Variants in DPYD observed in about 807,000 individuals in gnomAD.
DPYD encodes dihydropyrimidine dehydrogenase [NADP(+)].
DPYD carries 109 observed loss-of-function variants against 116.2 expected under a neutral mutation model. The observed-to-expected ratio is 0.94, with a 90% CI of 0.80 to 1.10. The LOEUF (loss-of-function observed/expected upper bound fraction) is 1.10, where lower values mean the gene tolerates loss of function less well. DPYD is among the 50% of genes least tolerant of loss of function. The probability of loss-of-function intolerance (pLI) is 0.00; values close to 1 mark genes in which losing one functional copy is unlikely to be tolerated. For synonymous variants in DPYD, 440 were observed against 432.0 expected, an observed-to-expected ratio of 1.02 and a Z score of -0.23; for missense variants, 1,302 against 1,254.5, an observed-to-expected ratio of 1.04 and a Z score of -0.57.
At chr1:97,184,599 C>T (rs1657872734) in intron 20 of DPYD, among the ~76,000 whole-genome samples, 1 of 152,032 alleles carries the variant, frequency 6.6e-6, no homozygotes, top group African/African-American at 2.4e-5. Flanking sequence ...GCAGATACTA[C>T]ATATATTTTA....
chr1:97,478,367 A>C (rs1678105222), intron 13 of DPYD, among the ~76,000 whole-genome samples: 1 of 152,110 alleles, frequency 6.6e-6, no homozygotes. Context: ...AGCTCACTGC[A>C]ACCTCCACCT....
At chr1:97,204,812 G>T (rs1659480331) in intron 19 of DPYD, among the ~76,000 whole-genome samples, 1 of 151,892 alleles carries the variant, frequency 6.6e-6, no homozygotes, top group Non-Finnish European at 1.5e-5. Context: ...AGATACTTAT[G>T]CAGGCCTCAG....
chr1:97,097,969 C>T (rs1227271406), intron 21 of DPYD, among the ~76,000 whole-genome samples: 1 of 152,108 alleles, frequency 6.6e-6, no homozygotes, highest in Non-Finnish European at 1.5e-5. Flanking sequence ...AGAAAGGTAA[C>T]ACATACTCAT....
intron 18 of DPYD, among the ~76,000 whole-genome samples, chr1:97,244,857 T>C (rs1662606005): frequency 6.6e-6 from 1 of 152,040 alleles, no homozygotes; most frequent in African/African-American, 2.4e-5. Context: ...TATTTATCAT[T>C]TAAAATAGAC....
intron 3 of DPYD, among the ~76,000 whole-genome samples, chr1:97,801,111 G>A (rs543157169): frequency 2.6e-5 from 4 of 151,814 alleles, no homozygotes; most frequent in South Asian, 2.1e-4. Flanking sequence ...GAAGCCTTTG[G>A]TGGGTAATGA....
intron 13 of DPYD, among the ~76,000 whole-genome samples, chr1:97,510,494 T>C (rs1375004308): frequency 6.6e-6 from 1 of 151,970 alleles, no homozygotes; most frequent in African/African-American, 2.4e-5. Flanking sequence ...TTGGACTTGA[T>C]GAAGATCATA....
rs1318717082 is a variant in DPYD at position 97,855,638 on chromosome 1, G to C, written c.151-27442C>G. On this transcript the variant is annotated intron_variant, in intron 2 of 22. Coordinates refer to ENST00000370192, the MANE Select transcript of DPYD (RefSeq NM_000110.4). ...AATTTAGGTTGGTAGCTTAAAGACA[G>C]AATGTTTCAGTTTTTAGGAGATTCA... The C allele has an allele frequency of 2.0e-5, 3 of 152,178 alleles. No homozygotes were observed. The East Asian group carries it at 5.8e-4, about 29-fold the overall frequency. The allele number at this position is 152,178 out of a possible 1,614,324, so 9.4% of individuals were successfully genotyped here. A position where few individuals can be genotyped will look rare whatever the true frequency, so the allele number is the denominator to read the frequency against.
intron 16 of DPYD, among the ~76,000 whole-genome samples, chr1:97,353,627 GTTT>G (rs35564684): frequency 0.059 from 7,902 of 133,290 alleles, 298 homozygotes; most frequent in East Asian, 0.18. Context: ...ACTGCATTCT[GTTT>G]TTTTTTTTTT....
chr1:97,810,169 C>T (rs1668279460), intron 3 of DPYD, among the ~76,000 whole-genome samples: 2 of 151,404 alleles, frequency 1.3e-5, no homozygotes, highest in Admixed American at 1.3e-4. Flanking sequence ...CGCCTGTAGT[C>T]CCAGCTACTT....
chr1:97,286,790 T>G (rs1271660669), intron 18 of DPYD, among the ~76,000 whole-genome samples: 2 of 152,246 alleles, frequency 1.3e-5, no homozygotes, highest in Non-Finnish European at 2.9e-5. Context: ...TAAGCACTTC[T>G]CTGTATTGGT....
chr1:97,143,911 G>A (rs76110644), intron 20 of DPYD, among the ~76,000 whole-genome samples: 5,971 of 152,208 alleles, frequency 0.039, 147 homozygotes, highest in South Asian at 0.073. Context: ...TCATCAAGAA[G>A]AGTTGTTCAC....
intron 3 of DPYD, among the ~76,000 whole-genome samples, chr1:97,765,780 T>G (rs940275562): frequency 2.6e-5 from 4 of 152,162 alleles, no homozygotes; most frequent in Non-Finnish European, 4.4e-5. Context: ...CAATAATATG[T>G]AACACAAACC....
At chr1:97,908,049 T>C (rs1037071796) in intron 1 of DPYD, among the ~76,000 whole-genome samples, 2 of 151,994 alleles carry the variant, frequency 1.3e-5, no homozygotes, top group Non-Finnish European at 2.9e-5. Context: ...TTCATTTTTT[T>C]CCCCTTTCTT....
At chr1:97,193,303 C>A (rs927436140) in intron 19 of DPYD, 55 bp from the exon 20 acceptor site, 2 of 1,547,616 alleles carry the variant, frequency 1.3e-6, no homozygotes, top group Non-Finnish European at 1.8e-6. Context: ...ATTCTCCAAA[C>A]AAATTCACTT....
At chr1:97,249,047 C>T (rs990782660) in intron 18 of DPYD, among the ~76,000 whole-genome samples, 2 of 151,584 alleles carry the variant, frequency 1.3e-5, no homozygotes, top group African/African-American at 2.4e-5. Flanking sequence ...AGATTCAACA[C>T]AACTCAAAAC....
intron 4 of DPYD, among the ~76,000 whole-genome samples, chr1:97,722,769 T>C (rs1384124693): frequency 1.3e-5 from 2 of 151,534 alleles, no homozygotes; most frequent in Non-Finnish European, 3.0e-5. Flanking sequence ...ATTGACTCTT[T>C]AATATATCCC....
At chr1:97,911,290 C>A (rs1415011088) in intron 1 of DPYD, among the ~76,000 whole-genome samples, 1 of 151,950 alleles carries the variant, frequency 6.6e-6, no homozygotes, top group Admixed American at 6.6e-5. Flanking sequence ...TTCTTACTGT[C>A]CAGTCTTGGA....
chr1:97,893,797 G>A (rs532132181), intron 1 of DPYD, among the ~76,000 whole-genome samples: 1 of 151,500 alleles, frequency 6.6e-6, no homozygotes, highest in Admixed American at 6.6e-5. Flanking sequence ...GTCTGTCTTT[G>A]CAAGGCCCAG....
chr1:97,324,908 A>G (rs1038260111), intron 16 of DPYD, among the ~76,000 whole-genome samples: 1 of 152,052 alleles, frequency 6.6e-6, no homozygotes, highest in Non-Finnish European at 1.5e-5. Flanking sequence ...TGAGGCACTG[A>G]AGTTAAATTA....
Sources: gnomAD v4.1 joint callset for allele counts (sites outside exome capture counted in the v4.1 genomes callset) on GRCh38, gnomAD v4.1.1 for gene constraint, MANE v1.5 for transcripts, NCBI Gene and HGNC (gene_info 2026-07-23, HGNC 2026-07-21) for gene names.